Variants in ZMYM1 observed in about 807,000 individuals in gnomAD.
ZMYM1 encodes zinc finger MYM-type protein 1.
ZMYM1 carries 39 observed loss-of-function variants against 60.0 expected under a neutral mutation model. That is an observed-to-expected ratio of 0.65 (90% CI 0.50 to 0.85). ZMYM1 has a LOEUF of 0.85. Among genes scored for constraint, ZMYM1 ranks in the 40% least tolerant of loss-of-function variants. The probability of loss-of-function intolerance (pLI) is 0.00; values close to 1 mark genes in which losing one functional copy is unlikely to be tolerated. For missense variants in ZMYM1, 1,171 were observed against 1,309.5 expected (o/e 0.89, Z 1.63); for synonymous variants, 413 against 454.0 (o/e 0.91, Z 1.15).
rs373999156 is a variant in ZMYM1, at chr1:35,084,718, T to C, written c.-75+5276T>C. On this transcript the variant is annotated intron_variant, in intron 1 of 9. Transcript: ENST00000359858. Reference sequence around the variant, plus strand: ...TCTTATTAGCTCTTTGACGTTTAACTGCTGTGTTCTGTTAAGTTTTTGAAG... The same window carrying C: ...TCTTATTAGCTCTTTGACGTTTAACCGCTGTGTTCTGTTAAGTTTTTGAAG... 8.8e-4 allele frequency among the ~76,000 whole-genome samples: 134 copies of C among 152,366 alleles called. 2 individuals are homozygous for C. In the South Asian group the frequency reaches 0.021, roughly 24 times the overall value.
At chr1:35,083,693 G>A (rs1245395047) in intron 1 of ZMYM1, among the ~76,000 whole-genome samples, 1 of 152,006 alleles carries the variant, frequency 6.6e-6, no homozygotes, top group Non-Finnish European at 1.5e-5. Context: ...ATAGCTCACT[G>A]TAACCTGGAA....
upstream of ZMYM1, among the ~76,000 whole-genome samples, chr1:35,077,429 C>G (rs1642186059): frequency 6.6e-6 from 1 of 152,168 alleles, no homozygotes; most frequent in African/African-American, 2.4e-5. Context: ...AACAAACCTC[C>G]TCCTTGCCTG....
intron 4 of ZMYM1, 165 bp downstream of exon 4, chr1:35,097,731 A>C (rs1569955537): frequency 1.3e-6 from 1 of 753,354 alleles, no homozygotes. Context: ...TGCAACTTCC[A>C]CCTCCTGGGT....
chr1:35,076,517 A>C (rs528637041), upstream of ZMYM1, among the ~76,000 whole-genome samples: 1 of 152,046 alleles, frequency 6.6e-6, no homozygotes, highest in East Asian at 1.9e-4. Flanking sequence ...ACTACTCAGG[A>C]GGCTGAGGCA....
At chr1:35,082,749 G>A (rs975940437) in intron 1 of ZMYM1, among the ~76,000 whole-genome samples, 2 of 151,452 alleles carry the variant, frequency 1.3e-5, no homozygotes, top group Non-Finnish European at 2.9e-5. Context: ...GAAGGCTGAG[G>A]CGGGTGGATC....
intron 3 of ZMYM1, among the ~76,000 whole-genome samples, chr1:35,096,825 G>T (rs575699118): frequency 1.3e-5 from 2 of 152,062 alleles, no homozygotes; most frequent in Non-Finnish European, 2.9e-5. Flanking sequence ...TCAGCCTCCC[G>T]AGTAGCTGGG....
chr1:35,080,119 T>C (rs1642297996), intron 1 of ZMYM1, among the ~76,000 whole-genome samples: 1 of 152,084 alleles, frequency 6.6e-6, no homozygotes, highest in Non-Finnish European at 1.5e-5. Flanking sequence ...ATGAAATGTT[T>C]GCTGAACCCC....
In ZMYM1 at chr1:35,097,564, A is replaced by G. The variant is rs1416122845; in HGVS notation, c.417A>G (p.Ser139=). 1.2e-6 allele frequency: 2 copies of G among 1,614,128 alleles called. No individual in the cohort carries two copies. The highest frequency in any genetic ancestry group is 2.2e-5 in the East Asian group (1 of 44,882). ...VPSKRTCSNC[S]KDILNPKDVI... is the part of the protein sequence containing the mutation. ...CTAAGAGAACTTGTTCAAACTGCTC[A>G]AAGTATATAATTCTAAATTATGCCC... is the stretch of plus-strand genomic sequence containing the variant. Residue 139 remains serine (S), a splice_region_variant and synonymous_variant, in exon 4 of 10, where the codon TCA becomes TCG. Transcript: ENST00000359858.
intron 6 of ZMYM1, 56 bp downstream of exon 6, chr1:35,104,825 C>G: frequency 6.8e-7 from 1 of 1,471,394 alleles, no homozygotes; most frequent in South Asian, 1.2e-5. Context: ...TGGTTTCACT[C>G]TAGGAAAATG....
intron 4 of ZMYM1, among the ~76,000 whole-genome samples, chr1:35,100,491 G>T (rs57131605): frequency 3.3e-5 from 5 of 151,848 alleles, no homozygotes; most frequent in Admixed American, 1.3e-4. Flanking sequence ...GCGTGGTGGT[G>T]TGTGCCTGTA....
chr1:35,103,681 G>A (rs150896626), intron 4 of ZMYM1, among the ~76,000 whole-genome samples: 408 of 152,160 alleles, frequency 2.7e-3, no homozygotes, highest in Middle Eastern at 6.8e-3. Context: ...CCAAGGAGTG[G>A]GATTGCAGGG....
chr1:35,087,584 G>A (rs1477390485), intron 1 of ZMYM1, among the ~76,000 whole-genome samples: 1 of 151,742 alleles, frequency 6.6e-6, no homozygotes, highest in African/African-American at 2.4e-5. Flanking sequence ...GCCCCACCAC[G>A]CTCGGCTAAT....
intron 1 of ZMYM1, among the ~76,000 whole-genome samples, chr1:35,072,630 G>A (rs1310928193): frequency 6.6e-6 from 1 of 151,926 alleles, no homozygotes; most frequent in East Asian, 1.9e-4. Context: ...TTCTTGAGGT[G>A]CATGGTTAGG....
intron 4 of ZMYM1, among the ~76,000 whole-genome samples, chr1:35,098,988 A>C (rs1643491266): frequency 6.6e-6 from 1 of 152,230 alleles, no homozygotes; most frequent in African/African-American, 2.4e-5. Context: ...AAGTTGGAGC[A>C]GTATTGAGAA....
chr1:35,101,109 C>CTTTTTT (rs34048407), intron 4 of ZMYM1, among the ~76,000 whole-genome samples: 4 of 129,072 alleles, frequency 3.1e-5, no homozygotes, highest in African/African-American at 1.2e-4. Flanking sequence ...AGCCAACATT[C>CTTTTTT]TTTTTTTTTT....
rs972929518 is a variant in ZMYM1, at chr1:35,060,239, G to A, written c.-301+314G>A. The stretch of plus-strand genomic sequence containing the variant: ...GGCTAGAATGCAATAGCGCAATCTC[G>A]GCTCACTGCAACCTCTGTCTCCCCA... On this transcript the variant is annotated intron_variant, in intron 1 of 10. Transcript: ENST00000417119. Among the ~76,000 whole-genome samples the A allele has an allele frequency of 8.6e-5, 13 of 151,042 alleles. No individual in the cohort carries two copies. The South Asian group carries it at 1.0e-3, about 12-fold the overall frequency.
Position 35,097,353 on chromosome 1 carries a change from C to A in ZMYM1, c.206C>A (p.Ala69Glu), listed in dbSNP as rs371309309. Residue 69 changes from alanine to glutamate, a missense_variant, in exon 4 of 10, where the codon GCA becomes GAA. Transcript: ENST00000359858. ...QLTAGIQLSLASSGVNKMLPS... is the reference protein window; with the variant it reads ...QLTAGIQLSLESSGVNKMLPS... ...ACTGCAGGCATTCAGCTTTCTCTGG[C>A]ATCATCTGGCGTGAATAAAATGCTT... 10 of 1,611,802 alleles carry A rather than the reference C, an allele frequency of 6.2e-6. No individual in the cohort carries two copies. The South Asian group carries it at 8.8e-5, about 14-fold the overall frequency.
chr1:35,099,001 T>C (rs1643491720), intron 4 of ZMYM1, among the ~76,000 whole-genome samples: 1 of 152,238 alleles, frequency 6.6e-6, no homozygotes, highest in African/African-American at 2.4e-5. Context: ...ATTGAGAACT[T>C]CTTTGTTACT....
intron 1 of ZMYM1, among the ~76,000 whole-genome samples, chr1:35,088,818 T>G (rs990503678): frequency 6.8e-6 from 1 of 147,396 alleles, no homozygotes; most frequent in Admixed American, 6.8e-5. Context: ...TTTTTTTTTT[T>G]TTTTTGTTTT....
Sources: allele counts gnomAD v4.1 joint callset (sites outside exome capture counted in the v4.1 genomes callset), GRCh38; gene constraint gnomAD v4.1.1; transcripts MANE v1.5; gene names NCBI Gene and HGNC (gene_info 2026-07-23, HGNC 2026-07-21).